OSBPL1A: variants seen among roughly 807,000 people sequenced by gnomAD.
OSBPL1A encodes the protein oxysterol-binding protein-related protein 1.
Under a neutral mutation model 137.1 loss-of-function variants are expected in OSBPL1A, and 80 were observed. That is an observed-to-expected ratio of 0.58 (90% CI 0.49 to 0.70). OSBPL1A has a LOEUF of 0.70. OSBPL1A is among the 30% of genes least tolerant of loss of function. The probability of loss-of-function intolerance (pLI) is 0.00; values close to 1 mark genes in which losing one functional copy is unlikely to be tolerated. For synonymous variants in OSBPL1A, 365 were observed against 389.7 expected (o/e 0.94, Z 0.75); for missense variants, 970 against 1,129.4 (o/e 0.86, Z 2.02).
At chr18:24,302,547 T>G (rs1166710705) in intron 14 of OSBPL1A, 1 of 151,840 alleles carries the variant, frequency 6.6e-6, no homozygotes, top group Non-Finnish European at 1.5e-5. Context: ...CCTCAGCCTC[T>G]TGAGTAGATG....
In OSBPL1A at chr18:24,384,875, A is replaced by G. The variant is rs1053506178; in HGVS notation, c.-2-7340T>C. 4.3e-5 allele frequency among the ~76,000 whole-genome samples: 6 copies of G among 139,968 alleles called. No individual in the cohort carries two copies. The East Asian group carries it at 6.2e-4, about 15-fold the overall frequency. The allele number at this position is 139,968 out of a possible 152,430, so 91.8% of individuals were successfully genotyped here. On this transcript the variant is annotated intron_variant, in intron 1 of 27. Transcript: ENST00000319481. ...GGCGACAAGAGTGAAACTGTCTCGG[A>G]AAAAAAAAAAAGAAAAAAGAAAGAA...
intron 15 of OSBPL1A, among the ~76,000 whole-genome samples, chr18:24,254,744 C>A (rs2089219291): frequency 6.6e-6 from 1 of 151,506 alleles, no homozygotes; most frequent in Admixed American, 6.6e-5. Context: ...AAACTTCAAA[C>A]AAATAACCTA....
At chr18:24,331,190 C>A (rs146478793) in intron 7 of OSBPL1A, among the ~76,000 whole-genome samples, 1 of 152,114 alleles carries the variant, frequency 6.6e-6, no homozygotes, top group Non-Finnish European at 1.5e-5. Flanking sequence ...GTGAACCAGA[C>A]AATGAAGTAT....
At chr18:24,175,301 T>A (rs975813381) in intron 21 of OSBPL1A, among the ~76,000 whole-genome samples, 1 of 151,752 alleles carries the variant, frequency 6.6e-6, no homozygotes, top group African/African-American at 2.4e-5. Context: ...TCCTCCCACC[T>A]GAGCCTCCCA....
intron 14 of OSBPL1A, among the ~76,000 whole-genome samples, chr18:24,289,627 G>A (rs1163044090): frequency 6.6e-6 from 1 of 151,862 alleles, no homozygotes; most frequent in Non-Finnish European, 1.5e-5. Flanking sequence ...CGCCATGTTG[G>A]GCAGGCTGGT....
rs547578375 is a variant in OSBPL1A at position 24,315,289 on chromosome 18, G to A, written c.871-942C>T. ...AAACCTGGGAACCCATAAGCACCAA[G>A]GAGAACAGGGGAATCCCCCAAGGGA... On this transcript the variant is annotated intron_variant, in intron 11 of 27. Transcript: ENST00000319481. 3.9e-5 allele frequency among the ~76,000 whole-genome samples: 6 copies of A among 152,206 alleles called. No homozygotes were observed. The East Asian group carries it at 9.7e-4, about 25-fold the overall frequency.
rs1257176448 is a variant in OSBPL1A at position 24,166,493 on chromosome 18, A to G, written c.2659+86T>C. ...AGAGACTAAAAACGCTAGTACCCCAATGATGCTAACAATCACCAGGAATAA... is the reference window on the plus strand; with the variant it reads ...AGAGACTAAAAACGCTAGTACCCCAGTGATGCTAACAATCACCAGGAATAA... On this transcript the variant is annotated intron_variant, in intron 26 of 27. Transcript: ENST00000319481. The G allele has an allele frequency of 3.8e-5, 57 of 1,483,434 alleles. No individual in the cohort carries two copies. The Admixed American group carries it at 6.8e-4, about 18-fold the overall frequency. The allele number at this position is 1,483,434 out of a possible 1,614,324, so 91.9% of individuals were successfully genotyped here. A position where few individuals can be genotyped will look rare whatever the true frequency, so the allele number is the denominator to read the frequency against.
intron 16 of OSBPL1A, among the ~76,000 whole-genome samples, chr18:24,232,256 C>T (rs569110029): frequency 8.5e-5 from 13 of 152,148 alleles, no homozygotes; most frequent in Non-Finnish European, 1.8e-4. Context: ...AACTGAAAAC[C>T]GGGATGAGTC....
chr18:24,396,019 G>A (rs1332182507), intron 1 of OSBPL1A, among the ~76,000 whole-genome samples: 2 of 150,650 alleles, frequency 1.3e-5, no homozygotes, highest in East Asian at 4.0e-4. Flanking sequence ...AGGAGTTCGA[G>A]ACCAGCCTGA....
intron 4 of OSBPL1A, among the ~76,000 whole-genome samples, chr18:24,355,373 G>T (rs1225017904): frequency 6.6e-6 from 1 of 151,660 alleles, no homozygotes; most frequent in African/African-American, 2.4e-5. Context: ...ATGGTGGCAG[G>T]CACCTGTAAT....
intron 5 of OSBPL1A, among the ~76,000 whole-genome samples, chr18:24,339,450 C>T (rs909323130): frequency 2.6e-5 from 4 of 152,182 alleles, no homozygotes; most frequent in Non-Finnish European, 5.9e-5. Flanking sequence ...ACTTCTGTTT[C>T]CCAAGCTAAG....
At chr18:24,264,358 G>A (rs1472804763) in intron 15 of OSBPL1A, among the ~76,000 whole-genome samples, 2 of 152,122 alleles carry the variant, frequency 1.3e-5, no homozygotes, top group East Asian at 1.9e-4. Flanking sequence ...GAGTATTAGA[G>A]GGCAAAATAA....
At chr18:24,338,656 C>G (rs2091222653) in intron 5 of OSBPL1A, among the ~76,000 whole-genome samples, 1 of 152,194 alleles carries the variant, frequency 6.6e-6, no homozygotes, top group Non-Finnish European at 1.5e-5. Flanking sequence ...GCCTATGTCT[C>G]TCTTTCTAGG....
At chr18:24,382,833 G>A (rs1476788469) in intron 1 of OSBPL1A, among the ~76,000 whole-genome samples, 4 of 152,016 alleles carry the variant, frequency 2.6e-5, no homozygotes, top group African/African-American at 4.8e-5. Flanking sequence ...CTGAGATCAC[G>A]CCACTGCACT....
intron 20 of OSBPL1A, 34 bp from the exon 21 acceptor site, chr18:24,178,229 A>G (rs1427576407): frequency 3.4e-6 from 5 of 1,480,072 alleles, no homozygotes; most frequent in Non-Finnish European, 4.6e-6. Flanking sequence ...AAGAAAAAAA[A>G]AAGCAACATT....
In OSBPL1A at chr18:24,362,195, G is replaced by A. The variant is rs146764885; in HGVS notation, c.282+4697C>T. 1.9e-3 allele frequency among the ~76,000 whole-genome samples: 279 copies of A among 150,804 alleles called. 2 individuals are homozygous for A. The highest frequency in any genetic ancestry group is 2.1e-3 in the Non-Finnish European group (144 of 67,666). On this transcript the variant is annotated intron_variant, in intron 4 of 27. Transcript: ENST00000319481. The stretch of plus-strand genomic sequence containing the variant: ...GGTAGATCTGGGCCATGTAGAAATA[G>A]ATGACAATAGAATTTTCTTAGGTAT...
chr18:24,248,034 GGGA>G (rs928142154), intron 15 of OSBPL1A, among the ~76,000 whole-genome samples: 3 of 152,142 alleles, frequency 2.0e-5, no homozygotes, highest in African/African-American at 4.8e-5. Context: ...TTGTCAAAAA[GGGA>G]GGAGATCTAA....
chr18:24,311,961 T>C (rs2090626061), intron 13 of OSBPL1A, 23 bp downstream of exon 13: 1 of 1,613,304 alleles, frequency 6.2e-7, no homozygotes, highest in Admixed American at 1.7e-5. Flanking sequence ...GCTATAAAGG[T>C]CAGGTTACAT....
At chr18:24,279,369 C>A (rs900703334) in intron 15 of OSBPL1A, among the ~76,000 whole-genome samples, 1 of 151,760 alleles carries the variant, frequency 6.6e-6, no homozygotes, top group African/African-American at 2.4e-5. Context: ...GCTGAGGCTG[C>A]AGTGAGCCAT....
Sources: allele counts gnomAD v4.1 joint callset (sites outside exome capture counted in the v4.1 genomes callset), GRCh38; gene constraint gnomAD v4.1.1; transcripts MANE v1.5; gene names NCBI Gene and HGNC (gene_info 2026-07-23, HGNC 2026-07-21).